The following ANK2 variants were observed in gnomAD, a reference collection of about 807,000 sequenced individuals.
ANK2 encodes the protein ankyrin 2, also known as ankyrin-2.
A neutral mutation model predicts 360.5 loss-of-function variants in ANK2; 83 were observed. The observed-to-expected ratio is 0.23, with a 90% CI of 0.19 to 0.28. The LOEUF (loss-of-function observed/expected upper bound fraction) is 0.28. ANK2 is among the 10% of genes least tolerant of loss of function. The pLI is 1.00. For synonymous variants in ANK2, 1,740 were observed against 1,759.5 expected (o/e 0.99, Z 0.28); for missense variants, 4,201 against 4,795.7 (o/e 0.88, Z 3.66).
At chr4:112,914,116 G>A (rs991097547) in intron 2 of ANK2, among the ~76,000 whole-genome samples, 1 of 152,042 alleles carries the variant, frequency 6.6e-6, no homozygotes, top group African/African-American at 2.4e-5. Flanking sequence ...TCATATCAGT[G>A]GTGGTTCAAG....
Position 113,131,699 on chromosome 4 carries a change from A to G in ANK2, c.85-42717A>G, listed in dbSNP as rs183184487. Among the ~76,000 whole-genome samples, 56 of 152,328 alleles carry G rather than the reference A, an allele frequency of 3.7e-4. No individual in the cohort carries two copies. In the East Asian group the frequency reaches 0.01, roughly 27 times the overall value. ...AGACAAACCTGTGAAACAGAACACC[A>G]AAGGCACAATTGTGTTGCAACAAGC... On this transcript the variant is annotated intron_variant, in intron 1 of 45. Transcript: ENST00000357077.
At chr4:112,903,987 G>C (rs2084341458) in intron 1 of ANK2, among the ~76,000 whole-genome samples, 1 of 152,148 alleles carries the variant, frequency 6.6e-6, no homozygotes, top group Non-Finnish European at 1.5e-5. Flanking sequence ...AGTTATAAAA[G>C]GAAGAAGAAG....
chr4:113,061,272 C>T (rs998115766), intron 1 of ANK2, among the ~76,000 whole-genome samples: 3 of 152,068 alleles, frequency 2.0e-5, no homozygotes, highest in African/African-American at 7.2e-5. Context: ...CTTACACTTA[C>T]TGTAACAAAA....
intron 1 of ANK2, among the ~76,000 whole-genome samples, chr4:113,090,304 AT>A (rs201883349): frequency 2.0e-5 from 3 of 151,786 alleles, no homozygotes; most frequent in African/African-American, 4.8e-5. Flanking sequence ...TCTAAAATCT[AT>A]TTTTTTTGCA....
chr4:112,761,619 C>G, the ANK2 span, among the ~76,000 whole-genome samples: 1 of 151,870 alleles, frequency 6.6e-6, no homozygotes, highest in African/African-American at 2.4e-5. Flanking sequence ...GACTCCGTCT[C>G]AAAAATAAAT....
chr4:113,180,946 C>T (rs2098397811), intron 2 of ANK2, among the ~76,000 whole-genome samples: 1 of 152,176 alleles, frequency 6.6e-6, no homozygotes, highest in African/African-American at 2.4e-5. Flanking sequence ...TCTTTCGATG[C>T]ATCAGTGCTG....
intron 22 of ANK2, among the ~76,000 whole-genome samples, chr4:113,295,389 T>G (rs1193681925): frequency 6.6e-5 from 10 of 152,126 alleles, no homozygotes; most frequent in Non-Finnish European, 8.8e-5. Context: ...ATTACTCAGG[T>G]GAATGACTTC....
At position 113,174,487 on chromosome 4, in the gene ANK2, G is replaced by A. The variant is rs1451984244; in HGVS notation, c.156G>A (p.Lys52=). The change falls in exon 2 of 46, where the codon AAG becomes AAA. Residue 52 remains lysine, a synonymous_variant. Transcript: ENST00000357077. ...TGGACAAAGTTGTGGAATATCTGAA[G>A]GGGGGCATAGACATCAATACCTGCA... ...GNLDKVVEYL[K]GGIDINTCNQ... 1 of 1,612,546 alleles carries A rather than the reference G, an allele frequency of 6.2e-7. No individual in the cohort carries two copies. Among genetic ancestry groups the A allele is most frequent in the African/African-American group, 1.3e-5 (1 of 74,904 alleles).
chr4:112,832,376 A>G (rs2059989506), intron 1 of ANK2, among the ~76,000 whole-genome samples: 1 of 152,166 alleles, frequency 6.6e-6, no homozygotes, highest in Non-Finnish European at 1.5e-5. Flanking sequence ...TTACTTATAT[A>G]CCAAACCTGT....
the ANK2 span, chr4:112,738,783 C>T: frequency 3.2e-6 from 2 of 623,054 alleles, no homozygotes; most frequent in Non-Finnish European, 6.1e-6. Context: ...CTGGTGGAAA[C>T]CCAGAGGTAT....
intron 1 of ANK2, among the ~76,000 whole-genome samples, chr4:112,896,053 G>A (rs1413578118): frequency 6.6e-6 from 1 of 152,156 alleles, no homozygotes; most frequent in Non-Finnish European, 1.5e-5. Context: ...CCACCCTACT[G>A]CTTCAGTTCC....
intron 2 of ANK2, among the ~76,000 whole-genome samples, chr4:113,187,554 C>A (rs186127852): frequency 6.6e-6 from 1 of 152,148 alleles, no homozygotes; most frequent in Non-Finnish European, 1.5e-5. Context: ...AAGCAAGTCC[C>A]GCAAACTGGG....
intron 1 of ANK2, among the ~76,000 whole-genome samples, chr4:112,894,457 C>T (rs115690886): frequency 0.028 from 4,241 of 152,142 alleles, 187 homozygotes; most frequent in African/African-American, 0.093. Context: ...TTTCAAACTT[C>T]AAATTATGAA....
chr4:112,878,171 T>C (rs536490522), intron 1 of ANK2, among the ~76,000 whole-genome samples: 84 of 151,974 alleles, frequency 5.5e-4, no homozygotes, highest in Non-Finnish European at 9.4e-4. Flanking sequence ...TCTATCTATC[T>C]ATCTATCTAT....
intron 2 of ANK2, among the ~76,000 whole-genome samples, chr4:113,042,184 C>A (rs1316464592): frequency 6.6e-6 from 1 of 152,144 alleles, no homozygotes; most frequent in Non-Finnish European, 1.5e-5. Flanking sequence ...AATTCTCTGC[C>A]TTCTTCAGTT....
At chr4:113,041,066 T>G (rs939240682) in intron 2 of ANK2, among the ~76,000 whole-genome samples, 2 of 152,094 alleles carry the variant, frequency 1.3e-5, no homozygotes, top group Non-Finnish European at 2.9e-5. Context: ...CATCATCATC[T>G]CTCTACAGGA....
intron 1 of ANK2, among the ~76,000 whole-genome samples, chr4:113,093,862 C>T (rs2089765476): frequency 6.6e-6 from 1 of 152,162 alleles, no homozygotes; most frequent in Non-Finnish European, 1.5e-5. Context: ...TGTTGCTTCC[C>T]TTTTATGTTA....
chr4:112,750,738 T>C, the ANK2 span, among the ~76,000 whole-genome samples: 1 of 152,042 alleles, frequency 6.6e-6, no homozygotes, highest in Non-Finnish European at 1.5e-5. Flanking sequence ...TTTTTTCTTT[T>C]TTTTTTTGAG....
chr4:113,107,292 C>G (rs1377286016), intron 1 of ANK2, among the ~76,000 whole-genome samples: 1 of 152,144 alleles, frequency 6.6e-6, no homozygotes, highest in Non-Finnish European at 1.5e-5. Flanking sequence ...TAACGGCTCA[C>G]TGCAACCTCA....
Sources: allele counts gnomAD v4.1 joint callset (sites outside exome capture counted in the v4.1 genomes callset), GRCh38; gene constraint gnomAD v4.1.1; transcripts MANE v1.5; gene names NCBI Gene and HGNC (gene_info 2026-07-23, HGNC 2026-07-21).